The following AEBP2 variants were observed in gnomAD, a reference collection of about 807,000 sequenced individuals.
The protein encoded by AEBP2 is zinc finger protein AEBP2.
In AEBP2, 10 loss-of-function variants were observed where a neutral mutation model predicts 50.8. The ratio of observed to expected loss-of-function variants is 0.20; its 90% CI spans 0.12 to 0.33. AEBP2 has a LOEUF of 0.33. Among genes scored for constraint, AEBP2 ranks in the 10% least tolerant of loss-of-function variants. The pLI is 1.00. For missense variants in AEBP2, 570 were observed against 688.0 expected, an observed-to-expected ratio of 0.83 and a Z score of 1.92; for synonymous variants, 296 against 261.3, an observed-to-expected ratio of 1.13 and a Z score of -1.28.
At chr12:19,419,063 A>G in intron 1 of AEBP2, 1 of 167,416 alleles carries the variant, frequency 6.0e-6, no homozygotes, top group Non-Finnish European at 1.4e-5. Flanking sequence ...CACTCTTTTC[A>G]CTGGGGATGT....
At chr12:19,506,597 A>C (rs1160556250) in intron 5 of AEBP2, among the ~76,000 whole-genome samples, 1 of 152,194 alleles carries the variant, frequency 6.6e-6, no homozygotes, top group Non-Finnish European at 1.5e-5. Context: ...TTTGTAGTAC[A>C]TTCCTACCTC....
chr12:19,503,237 T>A (rs2037168048), intron 5 of AEBP2, among the ~76,000 whole-genome samples: 1 of 152,210 alleles, frequency 6.6e-6, no homozygotes, highest in South Asian at 2.1e-4. Context: ...AATATTTTTC[T>A]ATTTTTTTGT....
chr12:19,468,293 C>G (rs11044579), intron 2 of AEBP2, among the ~76,000 whole-genome samples: 80,237 of 151,820 alleles, frequency 0.53, 22,383 homozygotes, highest in Non-Finnish European at 0.64. Flanking sequence ...ACCACACTCA[C>G]CTGGCCTATC....
At chr12:19,482,441 G>A (rs1311987423) in intron 3 of AEBP2, among the ~76,000 whole-genome samples, 1 of 152,206 alleles carries the variant, frequency 6.6e-6, no homozygotes, top group East Asian at 1.9e-4. Flanking sequence ...TGGTTGGCCA[G>A]GATGTCGCAG....
chr12:19,460,271 T>C (rs1948349976), intron 1 of AEBP2, among the ~76,000 whole-genome samples: 1 of 152,224 alleles, frequency 6.6e-6, no homozygotes, highest in Admixed American at 6.5e-5. Context: ...TTATAAAGCT[T>C]ACTTAAGCTA....
intron 3 of AEBP2, among the ~76,000 whole-genome samples, chr12:19,486,889 C>G (rs1948817990): frequency 6.6e-6 from 1 of 151,998 alleles, no homozygotes; most frequent in Admixed American, 6.6e-5. Context: ...ACCTCCTGGC[C>G]TCCAACGATC....
At chr12:19,502,652 CT>C (rs373049492) in intron 5 of AEBP2, among the ~76,000 whole-genome samples, 3,294 of 142,780 alleles carry the variant, frequency 0.023, 40 homozygotes, top group East Asian at 0.043. Flanking sequence ...TTTGTCTATT[CT>C]TTTTTTTTTT....
rs551844422 is a variant in AEBP2 at position 19,427,292 on chromosome 12, G to A, written c.-17+23076G>A. On this transcript the variant is annotated intron_variant, in intron 1 of 3. Transcript: ENST00000538425. ...CTCTGGAAGCTGAGGCAGGAGAATC[G>A]CTTCTTGAACCCGGGAGGCAGAGGT... Among the ~76,000 whole-genome samples the A allele has an allele frequency of 3.7e-4, 56 of 149,738 alleles. 2 individuals carry two copies. In the South Asian group the frequency reaches 9.5e-3, roughly 25 times the overall value.
At chr12:19,479,412 A>G (rs1041983173) in intron 3 of AEBP2, among the ~76,000 whole-genome samples, 1 of 152,192 alleles carries the variant, frequency 6.6e-6, no homozygotes, top group African/African-American at 2.4e-5. Context: ...TGGCCTTGCT[A>G]GAGATGTAGA....
Position 19,521,738 on chromosome 12 carries a change from G to A in AEBP2, c.*3621G>A, listed in dbSNP as rs946161936. ...ACATTAATAAAATGTTTTAAATATG[G>A]TAATACTCTTAAAACGGTAGAATTT... On this transcript the variant is annotated 3_prime_UTR_variant, in exon 8 of 8. Coordinates refer to ENST00000266508, the MANE Select transcript of AEBP2 (RefSeq NM_153207.5). 3.4e-4 allele frequency: 52 copies of A among 151,878 alleles called. No individual in the cohort carries two copies. Among genetic ancestry groups the A allele is most frequent in the African/African-American group, 1.2e-3 (51 of 41,344 alleles). The allele number at this position is 151,878 out of a possible 1,614,324, so 9.4% of individuals were successfully genotyped here.
At position 19,414,970 on chromosome 12, in the gene AEBP2, G is replaced by T. The variant is rs947643738; in HGVS notation, c.-17+10754G>T. 6.6e-5 allele frequency among the ~76,000 whole-genome samples: 10 copies of T among 151,114 alleles called. No individual in the cohort carries two copies. In the South Asian group the frequency reaches 2.1e-3, roughly 32 times the overall value. ...GTCCAAATCCCAGAGAACCTTCAGG[G>T]TCATACCTGAGAGTTTGCATGTTTC... is the stretch of plus-strand genomic sequence containing the variant. On this transcript the variant is annotated intron_variant, in intron 1 of 3. Coordinates refer to the AEBP2 transcript ENST00000538425.
rs1188593567 is a variant in AEBP2 at position 19,415,336 on chromosome 12, A to C, written c.-17+11120A>C. Among the ~76,000 whole-genome samples the C allele has an allele frequency of 8.4e-4, 40 of 47,814 alleles. 1 individual carries two copies. Among genetic ancestry groups the C allele is most frequent in the African/African-American group, 3.6e-3 (40 of 11,134 alleles). The allele number at this position is 47,814 out of a possible 152,430, so 31.4% of individuals were successfully genotyped here. ...TGTCTCAAAAAAAAAAAAAAAAAAA[A>C]AAAAAAAAAAAAAAATATATATATA... On this transcript the variant is annotated intron_variant, in intron 1 of 3. Transcript: ENST00000538425.
At chr12:19,512,006 A>G (rs1194147747) in intron 5 of AEBP2, among the ~76,000 whole-genome samples, 2 of 152,010 alleles carry the variant, frequency 1.3e-5, no homozygotes, top group Non-Finnish European at 2.9e-5. Flanking sequence ...GGGTATGAAC[A>G]CTTAAGTTCT....
intron 5 of AEBP2, among the ~76,000 whole-genome samples, chr12:19,504,518 G>GT (rs1335408363): frequency 6.6e-6 from 1 of 152,038 alleles, no homozygotes; most frequent in Non-Finnish European, 1.5e-5. Context: ...GGGATTACAG[G>GT]TGTGAGCCAC....
At chr12:19,470,698 G>C (rs757084346) in intron 2 of AEBP2, among the ~76,000 whole-genome samples, 2 of 152,114 alleles carry the variant, frequency 1.3e-5, no homozygotes, top group Non-Finnish European at 2.9e-5. Flanking sequence ...AGTCATGTTT[G>C]CTCATAGGAA....
chr12:19,417,387 A>G (rs988901150), intron 1 of AEBP2, among the ~76,000 whole-genome samples: 4 of 152,016 alleles, frequency 2.6e-5, no homozygotes, highest in Admixed American at 6.6e-5. Flanking sequence ...GATGTCGTGG[A>G]TACATGTCAC....
At chr12:19,497,991 A>G (rs1159703780) in intron 4 of AEBP2, among the ~76,000 whole-genome samples, 2 of 152,196 alleles carry the variant, frequency 1.3e-5, no homozygotes, top group Admixed American at 1.3e-4. Flanking sequence ...CTACTTTGGA[A>G]CTACTGTTCT....
At chr12:19,498,200 C>G (rs1360332667) in intron 4 of AEBP2, among the ~76,000 whole-genome samples, 1 of 152,076 alleles carries the variant, frequency 6.6e-6, no homozygotes, top group Non-Finnish European at 1.5e-5. Context: ...TAGGAAAAAG[C>G]ATATATTTGG....
At chr12:19,460,390 C>T (rs533041881) in intron 1 of AEBP2, among the ~76,000 whole-genome samples, 2 of 150,842 alleles carry the variant, frequency 1.3e-5, no homozygotes, top group Non-Finnish European at 3.0e-5. Flanking sequence ...CGCCCAGGCT[C>T]GAGTGCAGTG....
Sources: allele counts gnomAD v4.1 joint callset (sites outside exome capture counted in the v4.1 genomes callset), GRCh38; gene constraint gnomAD v4.1.1; transcripts MANE v1.5; gene names NCBI Gene and HGNC (gene_info 2026-07-23, HGNC 2026-07-21).